SLIT1: variants seen among roughly 807,000 people sequenced by gnomAD.
The protein encoded by SLIT1 is slit guidance ligand 1.
A neutral mutation model predicts 186.1 loss-of-function variants in SLIT1; 66 were observed. The observed-to-expected ratio is 0.35, with a 90% CI of 0.29 to 0.44. SLIT1 has a LOEUF of 0.44. Ranked by LOEUF, SLIT1 falls within the 20% of genes least tolerant of loss-of-function variation. The pLI is 1.00. For synonymous variants in SLIT1, 761 were observed against 833.8 expected (o/e 0.91, Z 1.50); for missense variants, 1,638 against 2,037.4 (o/e 0.80, Z 3.77).
chr10:97,104,080 A>T (rs1000533969), intron 4 of SLIT1, among the ~76,000 whole-genome samples: 1 of 151,986 alleles, frequency 6.6e-6, no homozygotes, highest in Non-Finnish European at 1.5e-5. Context: ...GGAGGTGAGT[A>T]CTACAGAGAA....
At chr10:97,124,001 A>G (rs1849583055) in intron 4 of SLIT1, among the ~76,000 whole-genome samples, 1 of 152,060 alleles carries the variant, frequency 6.6e-6, no homozygotes, top group South Asian at 2.1e-4. Context: ...GCCTGAATAA[A>G]CAGTACTCTC....
At chr10:97,176,088 A>T (rs1850252416) in intron 1 of SLIT1, among the ~76,000 whole-genome samples, 1 of 152,090 alleles carries the variant, frequency 6.6e-6, no homozygotes, top group Admixed American at 6.6e-5. Flanking sequence ...AAATTTAAAA[A>T]CTAAACACAG....
chr10:97,146,566 C>G (rs566934711), intron 4 of SLIT1, among the ~76,000 whole-genome samples: 7 of 151,764 alleles, frequency 4.6e-5, no homozygotes, highest in South Asian at 4.2e-4. Flanking sequence ...CCAGCCCCCC[C>G]CACTGAACAC....
At chr10:97,108,565 G>A (rs527917069) in intron 4 of SLIT1, among the ~76,000 whole-genome samples, 9 of 152,248 alleles carry the variant, frequency 5.9e-5, no homozygotes, top group African/African-American at 1.4e-4. Flanking sequence ...GGGCCCTCAC[G>A]AAAGGCCCAA....
chr10:97,068,033 A>G lies in SLIT1; in HGVS notation c.414-1947T>C, dbSNP rs1848966246. ...AAAGGTAGGAGGCAGGTGGGCTCCT[A>G]CTGCCTACTAGAACTGTGAGAAGGC... On this transcript the variant is annotated intron_variant, in intron 4 of 36. Coordinates refer to ENST00000266058, the MANE Select transcript of SLIT1 (RefSeq NM_003061.3). This position sits in a 1 kb window ranked among gnomAD's most constrained non-coding sequence, Gnocchi z 4.2. Among the ~76,000 whole-genome samples the G allele has an allele frequency of 6.6e-6, 1 of 152,148 alleles. No homozygotes were observed. The highest frequency in any genetic ancestry group is 1.5e-5 in the Non-Finnish European group (1 of 68,018).
At chr10:97,057,749 ATT>A in intron 11 of SLIT1, 2 of 433,786 alleles carry the variant, frequency 4.6e-6, no homozygotes, top group Non-Finnish European at 8.3e-6. Flanking sequence ...GACTTCAAGC[ATT>A]TTTTTTTTAT....
chr10:97,078,061 C>A (rs1320306159), intron 4 of SLIT1, among the ~76,000 whole-genome samples: 1 of 152,106 alleles, frequency 6.6e-6, no homozygotes, highest in East Asian at 1.9e-4. Flanking sequence ...AAGCTGTGAT[C>A]ATGCCACTTC....
intron 26 of SLIT1, among the ~76,000 whole-genome samples, chr10:97,019,442 C>T (rs1034365693): frequency 6.6e-6 from 1 of 152,192 alleles, no homozygotes; most frequent in South Asian, 2.1e-4. Flanking sequence ...ACAGTTGCTA[C>T]CACCGAAGTT....
intron 4 of SLIT1, among the ~76,000 whole-genome samples, chr10:97,146,587 A>G (rs1052030585): frequency 1.3e-5 from 2 of 148,636 alleles, no homozygotes; most frequent in African/African-American, 4.9e-5. Flanking sequence ...CTCCCAGTAG[A>G]TTTTATTTAT....
intron 21 of SLIT1, among the ~76,000 whole-genome samples, chr10:97,039,107 C>T (rs1333753138): frequency 1.3e-5 from 2 of 152,160 alleles, no homozygotes; most frequent in African/African-American, 4.8e-5. Context: ...GAAGAAAAGG[C>T]CAGCCTTGCT....
At chr10:97,027,822 T>C (rs1848559299) in intron 25 of SLIT1, among the ~76,000 whole-genome samples, 1 of 152,216 alleles carries the variant, frequency 6.6e-6, no homozygotes, top group African/African-American at 2.4e-5. Context: ...CAAGATGTAC[T>C]CAGGTGTTAT....
At chr10:97,066,320 C>G (rs1293263455) in intron 4 of SLIT1, among the ~76,000 whole-genome samples, 1 of 152,208 alleles carries the variant, frequency 6.6e-6, no homozygotes, top group Non-Finnish European at 1.5e-5. Context: ...GGAGCTCAGT[C>G]CCCAGCCACC....
chr10:97,112,179 C>T (rs1849471095), intron 4 of SLIT1, among the ~76,000 whole-genome samples: 1 of 152,192 alleles, frequency 6.6e-6, no homozygotes, highest in African/African-American at 2.4e-5. Context: ...CCTCAGAGCC[C>T]AGCAGTGATG....
intron 18 of SLIT1, among the ~76,000 whole-genome samples, chr10:97,044,988 C>T (rs1848722527): frequency 1.3e-5 from 2 of 152,090 alleles, no homozygotes; most frequent in African/African-American, 4.8e-5. Context: ...CAAGGAGATC[C>T]CAGAGAGCTC....
chr10:97,051,417 C>T (rs1245934376), intron 13 of SLIT1, among the ~76,000 whole-genome samples: 1 of 152,158 alleles, frequency 6.6e-6, no homozygotes, highest in African/African-American at 2.4e-5. Context: ...TCATAATACA[C>T]CACTGGTGGG....
chr10:97,084,568 T>C (rs1396345068), intron 4 of SLIT1, among the ~76,000 whole-genome samples: 1 of 148,092 alleles, frequency 6.8e-6, no homozygotes, highest in Non-Finnish European at 1.5e-5. Context: ...TCTTTTCTTT[T>C]CTTTCCTTTT....
At chr10:97,108,266 T>G (rs1451964624) in intron 4 of SLIT1, among the ~76,000 whole-genome samples, 5 of 152,232 alleles carry the variant, frequency 3.3e-5, no homozygotes, top group Non-Finnish European at 7.3e-5. Flanking sequence ...TGGGTTTACA[T>G]GCCAGCTTTG....
intron 4 of SLIT1, among the ~76,000 whole-genome samples, chr10:97,135,345 G>T (rs930015950): frequency 6.6e-6 from 1 of 152,168 alleles, no homozygotes; most frequent in South Asian, 2.1e-4. Context: ...CATCAGCGTC[G>T]CACTGAAAGA....
chr10:97,026,691 C>A (rs1469308214), intron 25 of SLIT1, among the ~76,000 whole-genome samples: 3 of 152,158 alleles, frequency 2.0e-5, no homozygotes. Context: ...CATTGGGGAA[C>A]CCTAGCCTGG....
Sources: allele counts gnomAD v4.1 joint callset (sites outside exome capture counted in the v4.1 genomes callset), GRCh38; gene constraint gnomAD v4.1.1; non-coding constraint Gnocchi (gnomAD v3.1); transcripts MANE v1.5; gene names NCBI Gene and HGNC (gene_info 2026-07-23, HGNC 2026-07-21).